The following GRIA2 variants were observed in gnomAD, a reference collection of about 807,000 sequenced individuals.
The protein encoded by GRIA2 is glutamate receptor 2.
Under a neutral mutation model 97.3 loss-of-function variants are expected in GRIA2, and 14 were observed. The ratio of observed to expected loss-of-function variants is 0.14; its 90% CI spans 0.10 to 0.23. The LOEUF is 0.23. Among genes scored for constraint, GRIA2 ranks in the 10% least tolerant of loss-of-function variants. The pLI is 1.00. For missense variants in GRIA2, 558 were observed against 1,069.8 expected, an observed-to-expected ratio of 0.52 and a Z score of 6.67; for synonymous variants, 412 against 387.8, an observed-to-expected ratio of 1.06 and a Z score of -0.73.
chr4:157,247,410 G>A (rs1730780496), intron 2 of GRIA2, among the ~76,000 whole-genome samples: 1 of 152,164 alleles, frequency 6.6e-6, no homozygotes, highest in South Asian at 2.1e-4. Flanking sequence ...AAAAAAGAAT[G>A]ATGGTCATGA....
intron 9 of GRIA2, chr4:157,334,844 G>A (rs954956643): frequency 6.6e-6 from 1 of 152,148 alleles, no homozygotes; most frequent in Admixed American, 6.6e-5. Flanking sequence ...TAACAATATT[G>A]AGAGCAGATA....
Position 157,361,133 on chromosome 4 carries a change from C to T in GRIA2, c.2406+9C>T, listed in dbSNP as rs766900476. 2.5e-6 allele frequency: 4 copies of T among 1,587,508 alleles called. No homozygotes were observed. Among genetic ancestry groups the T allele is most frequent in the Middle Eastern group, 1.7e-4 (1 of 5,950 alleles). On this transcript the variant is annotated intron_variant, in intron 14 of 15. Coordinates refer to ENST00000264426, the MANE Select transcript of GRIA2 (RefSeq NM_001083619.3). The surrounding 1 kb of genome is among the most constrained non-coding windows in gnomAD (Gnocchi z 5.2). Reference sequence around the variant, plus strand: ...GGGGAGGTGATTCCAAGGTCAGCCCCAGTGAGAAAAGTAATGGGTAACTCA... The same window carrying T: ...GGGGAGGTGATTCCAAGGTCAGCCCTAGTGAGAAAAGTAATGGGTAACTCA...
chr4:157,327,968 C>T (rs748430750), intron 6 of GRIA2, among the ~76,000 whole-genome samples: 3 of 152,006 alleles, frequency 2.0e-5, no homozygotes, highest in African/African-American at 4.8e-5. Flanking sequence ...GGCAGACTGG[C>T]GTTCACTCTT....
intron 2 of GRIA2, among the ~76,000 whole-genome samples, chr4:157,265,607 C>T (rs1731735781): frequency 6.6e-6 from 1 of 152,164 alleles, no homozygotes; most frequent in South Asian, 2.1e-4. Flanking sequence ...GGCTAAGCCT[C>T]CTTAGAGTGA....
intron 8 of GRIA2, 63 bp downstream of exon 8, chr4:157,333,416 T>C: frequency 1.4e-6 from 1 of 740,490 alleles, no homozygotes; most frequent in Non-Finnish European, 2.2e-6. Flanking sequence ...GCCTATGAGT[T>C]CACCCTTCCA....
intron 2 of GRIA2, among the ~76,000 whole-genome samples, chr4:157,291,324 T>G (rs1236530978): frequency 6.6e-6 from 1 of 152,028 alleles, no homozygotes; most frequent in Non-Finnish European, 1.5e-5. Flanking sequence ...CTTTGCTATT[T>G]TTTTATTTGC....
chr4:157,221,555 G>T, intron 1 of GRIA2, 112 bp from the exon 2 acceptor site: 1 of 1,064,762 alleles, frequency 9.4e-7, no homozygotes, highest in Non-Finnish European at 1.4e-6. Context: ...GTGTTTATTC[G>T]GCCTATTCGC....
intron 2 of GRIA2, among the ~76,000 whole-genome samples, chr4:157,240,054 T>C (rs1730434799): frequency 1.3e-5 from 2 of 152,250 alleles, no homozygotes; most frequent in South Asian, 4.1e-4. Flanking sequence ...TAATTATTTC[T>C]TGACTTATTT....
At chr4:157,290,561 C>A (rs1205217906) in intron 2 of GRIA2, among the ~76,000 whole-genome samples, 2 of 150,626 alleles carry the variant, frequency 1.3e-5, no homozygotes, top group Non-Finnish European at 3.0e-5. Flanking sequence ...AATAGAATAG[C>A]AATTTCATTC....
intron 2 of GRIA2, among the ~76,000 whole-genome samples, chr4:157,289,506 G>C (rs1051736084): frequency 6.6e-6 from 1 of 151,802 alleles, no homozygotes; most frequent in African/African-American, 2.4e-5. Flanking sequence ...ATACAGATGA[G>C]AAGATAATGT....
intron 2 of GRIA2, among the ~76,000 whole-genome samples, chr4:157,293,734 G>T (rs1004502015): frequency 8.5e-5 from 13 of 152,098 alleles, no homozygotes; most frequent in Non-Finnish European, 1.5e-5. Flanking sequence ...TTTCTGGAAG[G>T]AATTTGTTTC....
At chr4:157,261,571 AAT>A (rs1204710853) in intron 2 of GRIA2, among the ~76,000 whole-genome samples, 1 of 152,168 alleles carries the variant, frequency 6.6e-6, no homozygotes, top group Non-Finnish European at 1.5e-5. Flanking sequence ...ATTGCAGAGA[AAT>A]AATCTAATTC....
chr4:157,236,900 T>C (rs995295257), intron 2 of GRIA2, among the ~76,000 whole-genome samples: 1 of 152,188 alleles, frequency 6.6e-6, no homozygotes, highest in Non-Finnish European at 1.5e-5. Flanking sequence ...ACACTTGTGA[T>C]GTGTTTCAGC....
intron 5 of GRIA2, among the ~76,000 whole-genome samples, chr4:157,321,207 G>A (rs1734550211): frequency 6.6e-6 from 1 of 152,132 alleles, no homozygotes; most frequent in African/African-American, 2.4e-5. Context: ...TTCATGAGAT[G>A]ATCCATCAGT....
intron 2 of GRIA2, among the ~76,000 whole-genome samples, chr4:157,276,162 G>A (rs910259529): frequency 6.6e-6 from 1 of 152,132 alleles, no homozygotes; most frequent in African/African-American, 2.4e-5. Flanking sequence ...TTGGCTCTCT[G>A]TTTGTCTGTT....
chr4:157,288,025 TA>T (rs1406268599), intron 2 of GRIA2, among the ~76,000 whole-genome samples: 1 of 151,724 alleles, frequency 6.6e-6, no homozygotes, highest in African/African-American at 2.4e-5. Flanking sequence ...TAGTGTGCTG[TA>T]AAAATACTGA....
intron 2 of GRIA2, among the ~76,000 whole-genome samples, 163 bp downstream of exon 2, chr4:157,221,970 T>A (rs1214490538): frequency 6.9e-6 from 1 of 145,052 alleles, no homozygotes; most frequent in Non-Finnish European, 1.5e-5. Context: ...AGAGAGAAGG[T>A]GGCTGTAATC....
intron 2 of GRIA2, among the ~76,000 whole-genome samples, chr4:157,266,851 G>C (rs2126781025): frequency 6.6e-6 from 1 of 152,112 alleles, no homozygotes; most frequent in Admixed American, 6.6e-5. Context: ...TTGAGGCCAG[G>C]AGTTCGAGAT....
At chr4:157,355,476 C>T (rs1486658794) in intron 12 of GRIA2, among the ~76,000 whole-genome samples, 1 of 148,432 alleles carries the variant, frequency 6.7e-6, no homozygotes, top group Non-Finnish European at 1.5e-5. Context: ...TGCAGTGAGC[C>T]GAGATCATGC....
Sources: allele counts gnomAD v4.1 joint callset (sites outside exome capture counted in the v4.1 genomes callset), GRCh38; gene constraint gnomAD v4.1.1; non-coding constraint Gnocchi (gnomAD v3.1); transcripts MANE v1.5; gene names NCBI Gene and HGNC (gene_info 2026-07-23, HGNC 2026-07-21).